The following CHCHD4 variants were observed in gnomAD, a reference collection of about 807,000 sequenced individuals.
CHCHD4 encodes the protein mitochondrial intermembrane space import and assembly protein 40.
Under a neutral mutation model 12.4 loss-of-function variants are expected in CHCHD4, and 7 were observed. That is an observed-to-expected ratio of 0.57 (90% CI 0.32 to 1.06). The LOEUF (loss-of-function observed/expected upper bound fraction) is 1.06. Among genes scored for constraint, CHCHD4 ranks in the 50% least tolerant of loss-of-function variants. The probability of loss-of-function intolerance (pLI) is 0.04; values close to 1 mark genes in which losing one functional copy is unlikely to be tolerated. For missense variants in CHCHD4, 143 were observed against 175.1 expected (o/e 0.82, Z 1.03); for synonymous variants, 56 against 58.0 (o/e 0.97, Z 0.16).
At chr3:14,120,117 G>C (rs1250414549) in intron 1 of CHCHD4, among the ~76,000 whole-genome samples, 1 of 152,102 alleles carries the variant, frequency 6.6e-6, no homozygotes, top group East Asian at 1.9e-4. Flanking sequence ...CAGAACCTTG[G>C]TCAGAGTGGG....
chr3:14,112,798 A>G lies in CHCHD4; in HGVS notation c.*89T>C, dbSNP rs1694834701. Reference sequence around the variant, plus strand: ...TGTATATTATAATGCACAGGACAACAGAAGGAAACTTTCTTGGAAGGTGAT... The same window carrying G: ...TGTATATTATAATGCACAGGACAACGGAAGGAAACTTTCTTGGAAGGTGAT... On this transcript the variant is annotated 3_prime_UTR_variant, in exon 3 of 3. Coordinates refer to ENST00000396914, the MANE Select transcript of CHCHD4 (RefSeq NM_001098502.2). 1 of 1,230,066 alleles carries G rather than the reference A, an allele frequency of 8.1e-7. No individual in the cohort carries two copies. The highest frequency in any genetic ancestry group is 2.5e-5 in the Admixed American group (1 of 39,860). The allele number at this position is 1,230,066 out of a possible 1,614,324, so 76.2% of individuals were successfully genotyped here.
chr3:14,113,910 T>C (rs1694848535), intron 2 of CHCHD4, among the ~76,000 whole-genome samples: 1 of 152,228 alleles, frequency 6.6e-6, no homozygotes, highest in Non-Finnish European at 1.5e-5. Flanking sequence ...TTATACCTTT[T>C]CTTATCATTG....
chr3:14,120,278 A>C (rs1694919209), intron 1 of CHCHD4, among the ~76,000 whole-genome samples: 4 of 152,124 alleles, frequency 2.6e-5, no homozygotes, highest in Non-Finnish European at 5.9e-5. Flanking sequence ...TCTTTCTCTC[A>C]CATCTCCAAC....
chr3:14,124,729 C>G lies in CHCHD4; in HGVS notation c.-53G>C, dbSNP rs1006968968. Reference sequence around the variant, plus strand: ...AGAAGCGGCGGTGGCGGCAGCTGCACCTTTACGCCGTGACCTCCCTCTCCT... The same window carrying G: ...AGAAGCGGCGGTGGCGGCAGCTGCAGCTTTACGCCGTGACCTCCCTCTCCT... On this transcript the variant is annotated 5_prime_UTR_variant, in exon 1 of 3. Coordinates refer to ENST00000396914, the MANE Select transcript of CHCHD4 (RefSeq NM_001098502.2). The G allele has an allele frequency of 4.6e-6, 7 of 1,509,244 alleles. No homozygotes were observed. The South Asian group carries it at 7.5e-5, about 16-fold the overall frequency. 93.5% of individuals were successfully genotyped at this position (1,509,244 alleles called of 1,614,324 possible). A position where few individuals can be genotyped will look rare whatever the true frequency, so the allele number is the denominator to read the frequency against.
chr3:14,121,704 G>A (rs1694936099), intron 1 of CHCHD4, among the ~76,000 whole-genome samples: 1 of 152,214 alleles, frequency 6.6e-6, no homozygotes, highest in African/African-American at 2.4e-5. Context: ...TCTAAAGCCA[G>A]AGGGAGTGGT....
At chr3:14,122,045 G>C in intron 1 of CHCHD4, 1 of 1,609,972 alleles carries the variant, frequency 6.2e-7, no homozygotes, top group Non-Finnish European at 8.5e-7. Context: ...GGGAGGGAAG[G>C]AGGGGAATAG....
Position 14,115,157 on chromosome 3 carries a change from G to A in CHCHD4, c.121+1269C>T, listed in dbSNP as rs115059927. On this transcript the variant is annotated intron_variant, in intron 2 of 2. Transcript: ENST00000396914. ...AAACTTGGGTCCCAGAGTTCTTTGC[G>A]TTTTATAGGCTTCTTTTTACAAAGT... is the stretch of plus-strand genomic sequence containing the variant. Among the ~76,000 whole-genome samples, 903 of 152,148 alleles carry A rather than the reference G, an allele frequency of 5.9e-3. 6 individuals carry two copies. The highest frequency in any genetic ancestry group is 0.02 in the African/African-American group (849 of 41,518).
chr3:14,121,825 A>C (rs1414429781), intron 1 of CHCHD4: 16 of 1,602,282 alleles, frequency 1.0e-5, no homozygotes, highest in Non-Finnish European at 1.4e-5. Flanking sequence ...CAACTCCCCC[A>C]TACAGAATCA....
chr3:14,118,592 G>A (rs1192814985), intron 1 of CHCHD4, among the ~76,000 whole-genome samples: 2 of 152,184 alleles, frequency 1.3e-5, no homozygotes, highest in Non-Finnish European at 2.9e-5. Flanking sequence ...CTCAGCACAC[G>A]GGGCCAGGAC....
chr3:14,122,195 A>G (rs1280663213), intron 1 of CHCHD4: 1 of 1,430,124 alleles, frequency 7.0e-7, no homozygotes, highest in East Asian at 2.6e-5. Context: ...AGCCTCAGGA[A>G]GCCTTCTCAG....
chr3:14,118,284 G>A (rs183192385), intron 1 of CHCHD4, among the ~76,000 whole-genome samples: 5 of 152,358 alleles, frequency 3.3e-5, no homozygotes, highest in South Asian at 2.1e-4. Context: ...CTGCAGAAAC[G>A]TGGCCCTGTG....
intron 1 of CHCHD4, 30 bp from the exon 2 acceptor site, chr3:14,116,554 T>C (rs1694878736): frequency 6.6e-7 from 1 of 1,525,120 alleles, no homozygotes. Flanking sequence ...GGAAGAAATA[T>C]TTCATTCAAG....
intron 1 of CHCHD4, chr3:14,119,448 A>G (rs1475826083): frequency 7.2e-6 from 1 of 138,628 alleles, no homozygotes; most frequent in Non-Finnish European, 1.5e-5. Context: ...GCTTTCTGGA[A>G]CTTTTAAAAG....
At chr3:14,118,616 G>A (rs955974039) in intron 1 of CHCHD4, among the ~76,000 whole-genome samples, 1 of 152,210 alleles carries the variant, frequency 6.6e-6, no homozygotes, top group Non-Finnish European at 1.5e-5. Flanking sequence ...CAACCCACTG[G>A]AGGCTTTTGC....
At chr3:14,122,106 T>G in intron 1 of CHCHD4, 1 of 1,560,408 alleles carries the variant, frequency 6.4e-7, no homozygotes, top group Non-Finnish European at 8.6e-7. Flanking sequence ...AAAAGGAGGG[T>G]TTTAAGTAGT....
intron 1 of CHCHD4, among the ~76,000 whole-genome samples, chr3:14,121,651 C>A (rs561584282): frequency 6.6e-6 from 1 of 152,202 alleles, no homozygotes; most frequent in Non-Finnish European, 1.5e-5. Flanking sequence ...ACCTGTGATA[C>A]AATTCCAACC....
At chr3:14,117,295 G>T (rs1316335351) in intron 1 of CHCHD4, among the ~76,000 whole-genome samples, 1 of 152,182 alleles carries the variant, frequency 6.6e-6, no homozygotes, top group Admixed American at 6.5e-5. Context: ...ACAGACCAGT[G>T]AGAGTCAAAT....
intron 2 of CHCHD4, 23 bp from the exon 3 acceptor site, chr3:14,113,217 T>C (rs1361560130): frequency 6.4e-7 from 1 of 1,567,288 alleles, no homozygotes. Flanking sequence ...GATAGAGAGA[T>C]GTTCTCTAAA....
chr3:14,114,734 G>C (rs924025846), intron 2 of CHCHD4, among the ~76,000 whole-genome samples: 2 of 152,136 alleles, frequency 1.3e-5, no homozygotes, highest in Non-Finnish European at 2.9e-5. Context: ...TTAGGGGCAG[G>C]TAAGCTGGAA....
Sources: allele counts gnomAD v4.1 joint callset (sites outside exome capture counted in the v4.1 genomes callset), GRCh38; gene constraint gnomAD v4.1.1; transcripts MANE v1.5; gene names NCBI Gene and HGNC (gene_info 2026-07-23, HGNC 2026-07-21).